The following PLCG1 variants were observed in gnomAD, a reference collection of about 807,000 sequenced individuals.
The protein encoded by PLCG1 is 1-phosphatidylinositol 4,5-bisphosphate phosphodiesterase gamma-1.
PLCG1 carries 71 observed loss-of-function variants against 177.8 expected under a neutral mutation model. That is an observed-to-expected ratio of 0.40 (90% confidence interval 0.33 to 0.49). The LOEUF (loss-of-function observed/expected upper bound fraction) is 0.49. Among genes scored for constraint, PLCG1 ranks in the 20% least tolerant of loss-of-function variants. PLCG1 has a pLI of 0.72. For missense variants in PLCG1, 1,281 were observed against 1,709.0 expected, an observed-to-expected ratio of 0.75 and a Z score of 4.42; for synonymous variants, 658 against 647.9, an observed-to-expected ratio of 1.02 and a Z score of -0.24.
rs746349415 is a variant in PLCG1 at position 41,164,960 on chromosome 20, C to G, written c.1245C>G (p.Asp415Glu). The G allele has an allele frequency of 2.5e-6, 4 of 1,614,130 alleles. No homozygotes were observed. The highest frequency in any genetic ancestry group is 3.4e-6 in the Non-Finnish European group (4 of 1,179,974). ...SEYPVILSIEDHCSIAQQRNM... is the reference protein window; with the variant it reads ...SEYPVILSIEEHCSIAQQRNM... Reference sequence around the variant, plus strand: ...ACCCAGTCATCCTGTCCATTGAGGACCACTGCAGCATTGCCCAGCAGAGAA... The same window carrying G: ...ACCCAGTCATCCTGTCCATTGAGGAGCACTGCAGCATTGCCCAGCAGAGAA... The change falls in exon 13 of 32, where the codon GAC becomes GAG. Residue 415 changes from aspartate to glutamate, a missense_variant. Physicochemically the swap from Asp to Glu is conservative, Grantham distance 45 (BLOSUM62 2). Transcript: ENST00000685551. This position sits in a 1 kb window ranked among gnomAD's most constrained non-coding sequence, Gnocchi z 6.4.
rs536307897 is a variant in PLCG1, at chr20:41,167,908, A to C, written c.2358A>C (p.Ala786=). 1.9e-6 allele frequency: 3 copies of C among 1,613,638 alleles called. No homozygotes were observed. In the Admixed American group the frequency reaches 5.0e-5, roughly 27 times the overall value. The change falls in exon 20 of 32, where the codon GCA becomes GCC. Residue 786 remains alanine (A), a synonymous_variant. Transcript: ENST00000685551. This position sits in a 1 kb window ranked among gnomAD's most constrained non-coding sequence, Gnocchi z 4.4. ...GCAACCCTGGCTTCTATGTAGAGGCAAACCCTATGCCAACTTTCAAGGTAC... is the reference window on the plus strand; with the variant it reads ...GCAACCCTGGCTTCTATGTAGAGGCCAACCCTATGCCAACTTTCAAGGTAC... ...EGRNPGFYVE[A]NPMPTFKCAV...
chr20:41,169,460 T>C lies in PLCG1; in HGVS notation c.2584T>C (p.Leu862=). 2.5e-6 allele frequency: 4 copies of C among 1,613,136 alleles called. No individual in the cohort carries two copies. Among genetic ancestry groups the C allele is most frequent in the Non-Finnish European group, 3.4e-6 (4 of 1,179,196 alleles). ...TGGTGGGCTTTGCTTCCCACAGCAC[T>C]TGGACGAGAACAGCCCCCTAGGGGA... ...PVALEPEREH[L]DENSPLGDLL... Residue 862 remains leucine (L), a synonymous_variant, in exon 23 of 32, where the codon TTG becomes CTG. Transcript: ENST00000685551.
At chr20:41,170,609 C>T (rs532315865) in intron 24 of PLCG1, 2 of 227,368 alleles carry the variant, frequency 8.8e-6, no homozygotes, top group South Asian at 9.3e-5. Context: ...GAGGTGGTGT[C>T]GCATAGGAAG....
In PLCG1 at chr20:41,174,674, T is replaced by C; in HGVS notation, c.*165T>C. 1 of 648,238 alleles carries C rather than the reference T, an allele frequency of 1.5e-6. No individual in the cohort carries two copies. Among genetic ancestry groups the C allele is most frequent in the Non-Finnish European group, 2.7e-6 (1 of 365,246 alleles). The allele number at this position is 648,238 out of a possible 1,614,324, so 40.2% of individuals were successfully genotyped here. A position where few individuals can be genotyped will look rare whatever the true frequency, so the allele number is the denominator to read the frequency against. ...GACAGAAACCAAGCCATTAATGAGA[T>C]GTTATTACTGTTTTGGGCCTCCATG... is the stretch of plus-strand genomic sequence containing the variant. On this transcript the variant is annotated 3_prime_UTR_variant, in exon 32 of 32. Transcript: ENST00000685551. This position sits in a 1 kb window ranked among gnomAD's most constrained non-coding sequence, Gnocchi z 5.8.
Position 41,165,693 on chromosome 20 carries a change from G to A in PLCG1, c.1666G>A (p.Gly556Arg). 6.2e-7 allele frequency: 1 copy of A among 1,614,052 alleles called. No individual in the cohort carries two copies. The highest frequency in any genetic ancestry group is 8.5e-7 in the Non-Finnish European group (1 of 1,179,972). ...SNEKWFHGKL[G>R]AGRDGRHIAE... ...TGAGAAGTGGTTCCATGGGAAGCTAGGGGCAGGGCGTGACGGGCGTCACAT... is the reference window on the plus strand; with the variant it reads ...TGAGAAGTGGTTCCATGGGAAGCTAAGGGCAGGGCGTGACGGGCGTCACAT... Residue 556 changes from glycine to arginine, a missense_variant, in exon 16 of 32, where the codon GGG becomes AGG. Transcript: ENST00000685551. The surrounding 1 kb of genome is among the most constrained non-coding windows in gnomAD (Gnocchi z 6.6).
In PLCG1 at chr20:41,164,132, C is replaced by T; in HGVS notation, c.1148C>T (p.Thr383Ile). The T allele has an allele frequency of 6.2e-7, 1 of 1,614,108 alleles. No homozygotes were observed. The highest frequency in any genetic ancestry group is 8.5e-7 in the Non-Finnish European group (1 of 1,179,986). ...DGMPVIYHGH[T>I]LTTKIKFSDV... ...ATGCCAGTTATTTACCATGGGCACA[C>T]CCTTACCACCAAGATCAAGTTCTCA... Residue 383 changes from threonine to isoleucine, a missense_variant, in exon 12 of 32, where the codon ACC becomes ATC. Around this residue, in one of 4 missense-constraint regions of PLCG1, gnomAD observed 31 missense variants for 82.1 expected, o/e 0.38. Transcript: ENST00000685551. The surrounding 1 kb of genome is among the most constrained non-coding windows in gnomAD (Gnocchi z 6.4).
Position 41,163,880 on chromosome 20 carries a change from C to T in PLCG1, c.1011-41C>T. ...CCACCCAGCTTCTTCCCCAGGAGGG[C>T]CCATCTGACCATACCTACCTGCCTC... On this transcript the variant is annotated intron_variant, in intron 10 of 31. Coordinates refer to ENST00000685551, the MANE Select transcript of PLCG1 (RefSeq NM_002660.3). This position sits in a 1 kb window ranked among gnomAD's most constrained non-coding sequence, Gnocchi z 5.2. 6.2e-7 allele frequency: 1 copy of T among 1,609,090 alleles called. No homozygotes were observed.
At position 41,165,175 on chromosome 20, in the gene PLCG1, G is replaced by A; in HGVS notation, c.1387-70G>A. Reference sequence around the variant, plus strand: ...CCCAGGCCATGGCTTCAGCTGTTGGGCCTAAACCTGGGTGAGGAGGTGGGG... The same window carrying A: ...CCCAGGCCATGGCTTCAGCTGTTGGACCTAAACCTGGGTGAGGAGGTGGGG... On this transcript the variant is annotated intron_variant, in intron 13 of 31. Transcript: ENST00000685551. This position sits in a 1 kb window ranked among gnomAD's most constrained non-coding sequence, Gnocchi z 6.6. 4 of 1,605,482 alleles carry A rather than the reference G, an allele frequency of 2.5e-6. No homozygotes were observed. The highest frequency in any genetic ancestry group is 2.6e-6 in the Non-Finnish European group (3 of 1,174,808).
rs1185579074 is a variant in PLCG1, at chr20:41,177,608, A to G, written c.*3099A>G. ...AGGATCATGCCTTCTTCACATTTTAATTAAATGGATCAAGCACAGTCTCAG... is the reference window on the plus strand; with the variant it reads ...AGGATCATGCCTTCTTCACATTTTAGTTAAATGGATCAAGCACAGTCTCAG... On this transcript the variant is annotated 3_prime_UTR_variant, in exon 32 of 32. Coordinates refer to ENST00000685551, the MANE Select transcript of PLCG1 (RefSeq NM_002660.3). The G allele has an allele frequency of 6.6e-6, 1 of 152,204 alleles. No individual in the cohort carries two copies. The highest frequency in any genetic ancestry group is 2.4e-5 in the African/African-American group (1 of 41,442). The allele number at this position is 152,204 out of a possible 1,614,324, so 9.4% of individuals were successfully genotyped here. A position where few individuals can be genotyped will look rare whatever the true frequency, so the allele number is the denominator to read the frequency against.
At chr20:41,168,905 G>A (rs753882989) in intron 21 of PLCG1, 35 bp downstream of exon 21, 1 of 1,451,696 alleles carries the variant, frequency 6.9e-7, no homozygotes, top group African/African-American at 1.4e-5. Flanking sequence ...AGAGTCCAAG[G>A]GCCCCAGTGG....
intron 1 of PLCG1, among the ~76,000 whole-genome samples, chr20:41,141,407 A>G (rs1383683390): frequency 1.2e-4 from 19 of 152,268 alleles, no homozygotes; most frequent in Admixed American, 1.2e-3. Context: ...AAAACAGCTA[A>G]CTGCCTTGAT....
Position 41,160,740 on chromosome 20 carries a change from G to C in PLCG1, c.512+587G>C, listed in dbSNP as rs947855488. On this transcript the variant is annotated intron_variant, in intron 4 of 31. Coordinates refer to ENST00000685551, the MANE Select transcript of PLCG1 (RefSeq NM_002660.3). The surrounding 1 kb of genome is among the most constrained non-coding windows in gnomAD (Gnocchi z 5.5). Reference sequence around the variant, plus strand: ...ATCATGATGGTAATGGTAGGAAGTGGCTGGATTTTGGCCATGTTGTATTTT... The same window carrying C: ...ATCATGATGGTAATGGTAGGAAGTGCCTGGATTTTGGCCATGTTGTATTTT... Among the ~76,000 whole-genome samples, 6 of 152,212 alleles carry C rather than the reference G, an allele frequency of 3.9e-5. No individual in the cohort carries two copies. Among genetic ancestry groups the C allele is most frequent in the African/African-American group, 1.4e-4 (6 of 41,454 alleles).
chr20:41,145,188 C>T (rs2146002649), intron 1 of PLCG1, among the ~76,000 whole-genome samples: 1 of 152,262 alleles, frequency 6.6e-6, no homozygotes, highest in Middle Eastern at 3.4e-3. Context: ...CCCCTGTTTG[C>T]TATGTGTGCT....
rs1376807799 is a variant in PLCG1 at position 41,172,524 on chromosome 20, C to T, written c.3009C>T (p.Tyr1003=). 1.9e-6 allele frequency: 3 copies of T among 1,613,894 alleles called. No homozygotes were observed. Among genetic ancestry groups the T allele is most frequent in the South Asian group, 1.1e-5 (1 of 91,076 alleles). ...NKAKGKKFLQ[Y]NRLQLSRIYP... ...CCAAAGGCAAGAAGTTCCTTCAGTA[C>T]AATCGACTGCAGCTCTCCCGCATCT... Residue 1003 remains tyrosine, a synonymous_variant, in exon 26 of 32, where the codon TAC becomes TAT. Coordinates refer to ENST00000685551, the MANE Select transcript of PLCG1 (RefSeq NM_002660.3). This position sits in a 1 kb window ranked among gnomAD's most constrained non-coding sequence, Gnocchi z 7.0.
At position 41,167,330 on chromosome 20, in the gene PLCG1, T is replaced by C. The variant is rs1250811322; in HGVS notation, c.2301+471T>C. On this transcript the variant is annotated intron_variant, in intron 19 of 31. Coordinates refer to ENST00000685551, the MANE Select transcript of PLCG1 (RefSeq NM_002660.3). This position sits in a 1 kb window ranked among gnomAD's most constrained non-coding sequence, Gnocchi z 4.4. ...GCAGCACAGCTGGTGATAAGGGCCCTGGACAGAAGGAAGGGGTCTAGGACC... is the reference window on the plus strand; with the variant it reads ...GCAGCACAGCTGGTGATAAGGGCCCCGGACAGAAGGAAGGGGTCTAGGACC... Among the ~76,000 whole-genome samples the C allele has an allele frequency of 6.6e-6, 1 of 152,144 alleles. No homozygotes were observed. Among genetic ancestry groups the C allele is most frequent in the African/African-American group, 2.4e-5 (1 of 41,416 alleles).
rs763587949 is a variant in PLCG1, at chr20:41,162,547, C to T, written c.597+11C>T. 1.2e-6 allele frequency: 2 copies of T among 1,613,066 alleles called. No homozygotes were observed. Among genetic ancestry groups the T allele is most frequent in the Admixed American group, 1.7e-5 (1 of 60,002 alleles). ...CGAGAGCGGCTGACGGTAAGTGCCA[C>T]CCAGGGCTGTCTGTAGATGGGGGCA... On this transcript the variant is annotated intron_variant, in intron 5 of 31. Transcript: ENST00000685551.
Position 41,163,067 on chromosome 20 carries a change from G to T in PLCG1, c.716+75G>T, listed in dbSNP as rs2035565677. 1.3e-6 allele frequency: 2 copies of T among 1,514,724 alleles called. No individual in the cohort carries two copies. Among genetic ancestry groups the T allele is most frequent in the East Asian group, 2.3e-5 (1 of 44,426 alleles). The allele number at this position is 1,514,724 out of a possible 1,614,324, so 93.8% of individuals were successfully genotyped here. A position where few individuals can be genotyped will look rare whatever the true frequency, so the allele number is the denominator to read the frequency against. ...CTCCACTGGGCGATTCTTGATCCAG[G>T]TGGGAGGCAGTGGGAGTAGGGAACC... On this transcript the variant is annotated intron_variant, in intron 7 of 31. Transcript: ENST00000685551. The surrounding 1 kb of genome is among the most constrained non-coding windows in gnomAD (Gnocchi z 5.2).
Position 41,146,117 on chromosome 20 carries a change from CA to C in PLCG1, c.217+8261del, listed in dbSNP as rs1242398535. Among the ~76,000 whole-genome samples, 1 of 152,184 alleles carries C rather than the reference CA, an allele frequency of 6.6e-6. No individual in the cohort carries two copies. Among genetic ancestry groups the C allele is most frequent in the African/African-American group, 2.4e-5 (1 of 41,436 alleles). On this transcript the variant is annotated intron_variant, in intron 1 of 31. Transcript: ENST00000685551. This position sits in a 1 kb window ranked among gnomAD's most constrained non-coding sequence, Gnocchi z 6.3. ...TGTTGGCCGGTGGCCCTGGCTTCAG[CA>C]AGACTCAGGATGCAGAGTAAACGGG... is the stretch of plus-strand genomic sequence containing the variant.
At chr20:41,170,585 G>A (rs2035866725) in intron 24 of PLCG1, 5 of 282,822 alleles carry the variant, frequency 1.8e-5, no homozygotes, top group African/African-American at 2.2e-5. Context: ...TGGGGGCTGA[G>A]GCATAGAAGG....
Sources: gnomAD v4.1 joint callset for allele counts (sites outside exome capture counted in the v4.1 genomes callset) on GRCh38, gnomAD v4.1.1 for gene constraint, gnomAD v4.1.1 regional missense constraint, Gnocchi (gnomAD v3.1) non-coding constraint, MANE v1.5 for transcripts, NCBI Gene and HGNC (gene_info 2026-07-23, HGNC 2026-07-21) for gene names.